APBB1IP: variants seen among roughly 807,000 people sequenced by gnomAD.
The protein encoded by APBB1IP is amyloid beta A4 precursor protein-binding family B member 1-interacting protein.
APBB1IP carries 27 observed loss-of-function variants against 64.9 expected under a neutral mutation model. That is an observed-to-expected ratio of 0.42 (90% CI 0.31 to 0.57). The LOEUF (loss-of-function observed/expected upper bound fraction) is 0.57, where lower values mean the gene tolerates loss of function less well. Among genes scored for constraint, APBB1IP ranks in the 20% least tolerant of loss-of-function variants. The pLI, the probability that APBB1IP is intolerant of heterozygous loss-of-function variation, is 0.20. For missense variants in APBB1IP, 812 were observed against 845.5 expected (o/e 0.96, Z 0.49); for synonymous variants, 392 against 331.0 (o/e 1.18, Z -2.00).
chr10:26,514,580 T>TTG (rs1051878083), intron 8 of APBB1IP, among the ~76,000 whole-genome samples: 2 of 152,186 alleles, frequency 1.3e-5, no homozygotes, highest in African/African-American at 4.8e-5. Context: ...GCAACTATAA[T>TTG]TGTGTGAGGG....
intron 11 of APBB1IP, among the ~76,000 whole-genome samples, chr10:26,554,201 T>C (rs1405809585): frequency 6.6e-6 from 1 of 152,182 alleles, no homozygotes; most frequent in Non-Finnish European, 1.5e-5. Flanking sequence ...CATCACCTAC[T>C]CTATTCGTTT....
At chr10:26,504,261 A>C (rs1010086506) in intron 6 of APBB1IP, among the ~76,000 whole-genome samples, 5 of 152,206 alleles carry the variant, frequency 3.3e-5, no homozygotes, top group Non-Finnish European at 5.9e-5. Context: ...GTTTTGAGTA[A>C]TCTGCCCTTA....
chr10:26,454,127 T>C (rs1835495389), intron 2 of APBB1IP, among the ~76,000 whole-genome samples: 1 of 152,210 alleles, frequency 6.6e-6, no homozygotes, highest in Admixed American at 6.5e-5. Context: ...TGGCATGTTC[T>C]CACTTATTTA....
At chr10:26,560,462 C>T (rs142628465) in intron 12 of APBB1IP, among the ~76,000 whole-genome samples, 169 of 152,168 alleles carry the variant, frequency 1.1e-3, no homozygotes, top group African/African-American at 3.9e-3. Flanking sequence ...AACCTGTGAT[C>T]GAGTTACATA....
intron 2 of APBB1IP, among the ~76,000 whole-genome samples, chr10:26,460,537 C>CT (rs1835577323): frequency 6.6e-6 from 1 of 152,066 alleles, no homozygotes; most frequent in Non-Finnish European, 1.5e-5. Context: ...ATAGCAAAGA[C>CT]ATGGAATCAG....
At chr10:26,527,770 G>A (rs1230608517) in intron 8 of APBB1IP, among the ~76,000 whole-genome samples, 2 of 140,548 alleles carry the variant, frequency 1.4e-5, no homozygotes, top group African/African-American at 5.4e-5. Flanking sequence ...TCGGCTCACT[G>A]CAACCTCTGC....
intron 2 of APBB1IP, among the ~76,000 whole-genome samples, chr10:26,450,654 T>A (rs1311085520): frequency 6.6e-6 from 1 of 152,018 alleles, no homozygotes; most frequent in East Asian, 1.9e-4. Flanking sequence ...AAATGTAAAG[T>A]TGTTCCCTGA....
chr10:26,516,081 T>C (rs1445125604), intron 8 of APBB1IP, among the ~76,000 whole-genome samples: 1 of 151,864 alleles, frequency 6.6e-6, no homozygotes, highest in African/African-American at 2.4e-5. Flanking sequence ...CTAGGGGCAG[T>C]AAAGTTTCTA....
At chr10:26,535,204 T>G (rs957462302) in intron 9 of APBB1IP, among the ~76,000 whole-genome samples, 2 of 152,172 alleles carry the variant, frequency 1.3e-5, no homozygotes, top group Non-Finnish European at 2.9e-5. Context: ...CTAGAAGATG[T>G]GCTTTGTTAT....
chr10:26,544,949 C>A (rs969559507), intron 11 of APBB1IP, among the ~76,000 whole-genome samples: 2 of 152,216 alleles, frequency 1.3e-5, no homozygotes, highest in Non-Finnish European at 2.9e-5. Context: ...GAGAAACCAG[C>A]AGGACTGATG....
At chr10:26,560,268 G>A in intron 12 of APBB1IP, 65 bp downstream of exon 12, 1 of 1,442,980 alleles carries the variant, frequency 6.9e-7, no homozygotes, top group Non-Finnish European at 9.8e-7. Context: ...CCTGGGCACA[G>A]CCTTCCTGGT....
At chr10:26,441,465 A>G (rs1835337579) in intron 2 of APBB1IP, among the ~76,000 whole-genome samples, 1 of 152,186 alleles carries the variant, frequency 6.6e-6, no homozygotes, top group Non-Finnish European at 1.5e-5. Flanking sequence ...GCAGACCCTG[A>G]GGACAGCTTT....
intron 3 of APBB1IP, among the ~76,000 whole-genome samples, chr10:26,494,987 ATTTCTTTCTTTC>A (rs368140204): frequency 1.3e-5 from 2 of 150,332 alleles, no homozygotes; most frequent in Non-Finnish European, 3.0e-5. Context: ...TGGCAACCAT[ATTTCTTTCTTTC>A]TTTCTTTCTT....
intron 2 of APBB1IP, among the ~76,000 whole-genome samples, chr10:26,447,001 A>G (rs955256124): frequency 5.3e-5 from 8 of 152,194 alleles, no homozygotes; most frequent in African/African-American, 1.9e-4. Context: ...ATACAGAAAT[A>G]ATATGGTGCA....
intron 2 of APBB1IP, among the ~76,000 whole-genome samples, chr10:26,449,802 G>A (rs1835444483): frequency 6.6e-6 from 1 of 152,122 alleles, no homozygotes; most frequent in African/African-American, 2.4e-5. Flanking sequence ...TTGATCCCAT[G>A]AGTTGGAGAC....
intron 4 of APBB1IP, among the ~76,000 whole-genome samples, chr10:26,496,935 C>T (rs554238203): frequency 6.6e-6 from 1 of 152,130 alleles, no homozygotes; most frequent in East Asian, 1.9e-4. Context: ...CACCTGTGAT[C>T]CCAGCACTTT....
intron 8 of APBB1IP, among the ~76,000 whole-genome samples, chr10:26,521,069 A>G (rs2132452977): frequency 6.6e-6 from 1 of 152,358 alleles, no homozygotes; most frequent in East Asian, 1.9e-4. Context: ...GAGAGAAAAC[A>G]GAGTAACTCT....
rs112169497 is a variant in APBB1IP at position 26,544,096 on chromosome 10, G to A, written c.1155+2404G>A. The stretch of plus-strand genomic sequence containing the variant: ...ACTCAGGCAGTGCGGCTCAGAGGCC[G>A]TTCTCTCAGACAGTTTCTCAGGCCC... On this transcript the variant is annotated intron_variant, in intron 11 of 14. Coordinates refer to ENST00000376236, the MANE Select transcript of APBB1IP (RefSeq NM_019043.4). Among the ~76,000 whole-genome samples, 642 of 152,326 alleles carry A rather than the reference G, an allele frequency of 4.2e-3. 7 individuals are homozygous for A. The highest frequency in any genetic ancestry group is 0.014 in the African/African-American group (601 of 41,570).
intron 2 of APBB1IP, among the ~76,000 whole-genome samples, chr10:26,462,577 C>A (rs1340461969): frequency 6.6e-6 from 1 of 152,072 alleles, no homozygotes. Flanking sequence ...TTCTTGTATA[C>A]TTGGTTATTA....
Sources: allele counts gnomAD v4.1 joint callset (sites outside exome capture counted in the v4.1 genomes callset), GRCh38; gene constraint gnomAD v4.1.1; transcripts MANE v1.5; gene names NCBI Gene and HGNC (gene_info 2026-07-23, HGNC 2026-07-21).